The following CYP19A1 variants were observed in gnomAD, a reference collection of about 807,000 sequenced individuals.
CYP19A1 encodes the protein cytochrome P450 family 19 subfamily A member 1.
CYP19A1 carries 32 observed loss-of-function variants against 44.4 expected under a neutral mutation model. That is an observed-to-expected ratio of 0.72 (90% CI 0.54 to 0.97). The LOEUF is 0.97. CYP19A1 is among the 50% of genes least tolerant of loss of function. The pLI is 0.00. For missense variants in CYP19A1, 598 were observed against 637.8 expected, an observed-to-expected ratio of 0.94 and a Z score of 0.67; for synonymous variants, 212 against 215.6, an observed-to-expected ratio of 0.98 and a Z score of 0.14.
chr15:51,311,465 C>G (rs944669908), intron 1 of CYP19A1, among the ~76,000 whole-genome samples: 2 of 152,068 alleles, frequency 1.3e-5, no homozygotes, highest in Admixed American at 6.6e-5. Flanking sequence ...AATAAAGCCT[C>G]GAGGATCTGT....
intron 1 of CYP19A1, among the ~76,000 whole-genome samples, chr15:51,306,971 T>C (rs1243591662): frequency 6.6e-6 from 1 of 151,844 alleles, no homozygotes; most frequent in Non-Finnish European, 1.5e-5. Context: ...TGATAATAAG[T>C]AAACCAGATA....
intron 1 of CYP19A1, among the ~76,000 whole-genome samples, chr15:51,265,860 G>A (rs1326394342): frequency 6.6e-6 from 1 of 152,144 alleles, no homozygotes; most frequent in Non-Finnish European, 1.5e-5. Flanking sequence ...TACTCTGGTC[G>A]TTATCTGCCT....
intron 5 of CYP19A1, 56 bp downstream of exon 5, chr15:51,222,293 G>A (rs775216179): frequency 1.2e-6 from 2 of 1,613,566 alleles, no homozygotes; most frequent in East Asian, 2.2e-5. Flanking sequence ...ATCCCTCCTA[G>A]CTCCTTGTTC....
chr15:51,269,324 G>A (rs189416899), intron 1 of CYP19A1, among the ~76,000 whole-genome samples: 3 of 152,022 alleles, frequency 2.0e-5, no homozygotes, highest in Non-Finnish European at 2.9e-5. Flanking sequence ...TTAAAAATTG[G>A]CAATATATGC....
At chr15:51,239,745 G>A (rs142958724) in intron 2 of CYP19A1, among the ~76,000 whole-genome samples, 1 of 152,290 alleles carries the variant, frequency 6.6e-6, no homozygotes, top group Non-Finnish European at 1.5e-5. Context: ...TGGAACAAGG[G>A]TAACATCCGC....
intron 8 of CYP19A1, among the ~76,000 whole-genome samples, chr15:51,213,235 C>T (rs183633803): frequency 6.4e-4 from 97 of 152,338 alleles, no homozygotes; most frequent in African/African-American, 2.0e-3. Flanking sequence ...CTCCCCACCA[C>T]GACAAAATAG....
At chr15:51,257,653 T>C (rs2034563730) in intron 1 of CYP19A1, among the ~76,000 whole-genome samples, 1 of 152,210 alleles carries the variant, frequency 6.6e-6, no homozygotes, top group African/African-American at 2.4e-5. Flanking sequence ...AGCCCAGGTC[T>C]CCAGGATCAA....
chr15:51,287,885 A>G (rs1373094796), intron 1 of CYP19A1, among the ~76,000 whole-genome samples: 1 of 152,224 alleles, frequency 6.6e-6, no homozygotes, highest in Non-Finnish European at 1.5e-5. Context: ...CAAAAGCTCA[A>G]TGCCTCAGTG....
rs774286243 is a variant in CYP19A1 at position 51,215,249 on chromosome 15, TG to T, written c.859-18del. ...ACCACGTTTCTGAACAATTGGAAGA[TG>T]GGAAAAATTTGGAAAAGTGAATCAA... On this transcript the variant is annotated intron_variant, in intron 7 of 9. Coordinates refer to ENST00000396402, the MANE Select transcript of CYP19A1 (RefSeq NM_000103.4). 1.2e-6 allele frequency: 2 copies of T among 1,613,914 alleles called. No homozygotes were observed. Among genetic ancestry groups the T allele is most frequent in the Admixed American group, 3.3e-5 (2 of 59,994 alleles).
chr15:51,302,068 A>G (rs2036125297), intron 1 of CYP19A1, among the ~76,000 whole-genome samples: 1 of 152,014 alleles, frequency 6.6e-6, no homozygotes, highest in African/African-American at 2.4e-5. Context: ...CTTCTTGATC[A>G]TTTTTGGGGG....
At chr15:51,305,178 G>A (rs145991377) in intron 1 of CYP19A1, among the ~76,000 whole-genome samples, 1 of 152,206 alleles carries the variant, frequency 6.6e-6, no homozygotes, top group East Asian at 1.9e-4. Context: ...GGGATCACAG[G>A]CGTGATCCAT....
intron 1 of CYP19A1, among the ~76,000 whole-genome samples, chr15:51,292,029 G>A (rs937469100): frequency 6.6e-6 from 1 of 152,234 alleles, no homozygotes; most frequent in Admixed American, 6.5e-5. Context: ...CAGTCACTCA[G>A]TCAGTCAGAT....
chr15:51,330,107 C>G (rs1297408899), intron 1 of CYP19A1, among the ~76,000 whole-genome samples: 1 of 152,080 alleles, frequency 6.6e-6, no homozygotes, highest in African/African-American at 2.4e-5. Context: ...GCAGGCACCT[C>G]CCGGAAGCTG....
chr15:51,267,372 C>T (rs1005323021), intron 1 of CYP19A1, among the ~76,000 whole-genome samples: 2 of 152,306 alleles, frequency 1.3e-5, no homozygotes, highest in Admixed American at 1.3e-4. Flanking sequence ...AAGCCTTTCC[C>T]TTTCTCCCGT....
chr15:51,314,696 C>T (rs1447685743), intron 1 of CYP19A1, among the ~76,000 whole-genome samples: 1 of 152,232 alleles, frequency 6.6e-6, no homozygotes, highest in Non-Finnish European at 1.5e-5. Flanking sequence ...GACCCAGCTC[C>T]AATTCTAACT....
At position 51,262,871 on chromosome 15, in the gene CYP19A1, T is replaced by C. The variant is rs543433602; in HGVS notation, c.-38-19921A>G. On this transcript the variant is annotated intron_variant, in intron 1 of 9. Coordinates refer to ENST00000396402, the MANE Select transcript of CYP19A1 (RefSeq NM_000103.4). ...CTCAACGGATTATGGAAGTGGTGAA[T>C]AAAAAAAAGACAATGCTTGCACTCC... Among the ~76,000 whole-genome samples, 289 of 151,762 alleles carry C rather than the reference T, an allele frequency of 1.9e-3. 2 individuals carry two copies. The highest frequency in any genetic ancestry group is 2.8e-3 in the Non-Finnish European group (187 of 67,888).
In CYP19A1 at chr15:51,215,080, C is replaced by G; in HGVS notation, c.1011G>C (p.Gln337His). 1 of 1,613,620 alleles carries G rather than the reference C, an allele frequency of 6.2e-7. No individual in the cohort carries two copies. The highest frequency in any genetic ancestry group is 8.5e-7 in the Non-Finnish European group (1 of 1,179,792). ...NVEEAIIKEIQTVIGERDIKI... is the reference protein window; with the variant it reads ...NVEEAIIKEIHTVIGERDIKI... ...TTGATAAATTCTTACCAATAACAGTCTGGATTTCCTTTATTATTGCCTCTT... is the reference window on the plus strand; with the variant it reads ...TTGATAAATTCTTACCAATAACAGTGTGGATTTCCTTTATTATTGCCTCTT... Residue 337 changes from glutamine to histidine, a missense_variant, in exon 8 of 10, where the codon CAG (glutamine) becomes CAC (histidine). By Grantham distance (24) the Gln-to-His change is conservative (BLOSUM62 0). Coordinates refer to ENST00000396402, the MANE Select transcript of CYP19A1 (RefSeq NM_000103.4).
At chr15:51,295,185 C>T (rs2035967048) in intron 1 of CYP19A1, among the ~76,000 whole-genome samples, 1 of 141,382 alleles carries the variant, frequency 7.1e-6, no homozygotes. Context: ...ACAAAATATA[C>T]AATAGAATTT....
chr15:51,280,629 T>C (rs2035487216), intron 1 of CYP19A1, among the ~76,000 whole-genome samples: 1 of 152,006 alleles, frequency 6.6e-6, no homozygotes, highest in Non-Finnish European at 1.5e-5. Context: ...TGGGTGGAGG[T>C]GGGGAGATAC....
Sources: gnomAD v4.1 joint callset for allele counts (sites outside exome capture counted in the v4.1 genomes callset) on GRCh38, gnomAD v4.1.1 for gene constraint, MANE v1.5 for transcripts, NCBI Gene and HGNC (gene_info 2026-07-23, HGNC 2026-07-21) for gene names.